Variants in CDC23 observed in about 807,000 individuals in gnomAD.
CDC23 encodes the protein cell division cycle 23, also known as cell division cycle protein 23 homolog.
Under a neutral mutation model 81.7 loss-of-function variants are expected in CDC23, and 26 were observed. The observed-to-expected ratio is 0.32, with a 90% CI of 0.23 to 0.44. The LOEUF is 0.44. Ranked by LOEUF, CDC23 falls within the 20% of genes least tolerant of loss-of-function variation. The pLI, the probability that CDC23 is intolerant of heterozygous loss-of-function variation, is 1.00. For missense variants in CDC23, 519 were observed against 728.0 expected (o/e 0.71, Z 3.30); for synonymous variants, 267 against 270.8 (o/e 0.99, Z 0.14).
intron 9 of CDC23, among the ~76,000 whole-genome samples, chr5:138,195,513 A>G (rs1188918212): frequency 1.6e-5 from 2 of 124,356 alleles, no homozygotes; most frequent in East Asian, 4.2e-4. Context: ...ATATATATAT[A>G]TAAATATATA....
chr5:138,205,600 A>C (rs558483628), intron 3 of CDC23, among the ~76,000 whole-genome samples: 1 of 152,252 alleles, frequency 6.6e-6, no homozygotes, highest in African/African-American at 2.4e-5. Flanking sequence ...CAAGATAAAA[A>C]ATGTTCTAGA....
intron 9 of CDC23, 54 bp downstream of exon 9, chr5:138,198,145 G>T: frequency 7.6e-7 from 1 of 1,312,984 alleles, no homozygotes; most frequent in Non-Finnish European, 1.1e-6. Context: ...ATTTTCACAT[G>T]TGTTACTTAT....
chr5:138,196,586 G>A (rs1394714602), intron 9 of CDC23, among the ~76,000 whole-genome samples: 4 of 137,498 alleles, frequency 2.9e-5, no homozygotes, highest in Non-Finnish European at 6.2e-5. Flanking sequence ...CCCCGTGCCC[G>A]GCCTTTTTTT....
At chr5:138,189,216 T>G in intron 15 of CDC23, 68 bp from the exon 16 acceptor site, 1 of 1,476,634 alleles carries the variant, frequency 6.8e-7, no homozygotes, top group Non-Finnish European at 9.3e-7. Context: ...GTTATTAAGA[T>G]GCTGTTAAAC....
chr5:138,195,739 ATATATATG>A (rs1302545733), intron 9 of CDC23, among the ~76,000 whole-genome samples: 1 of 55,698 alleles, frequency 1.8e-5, no homozygotes, highest in Non-Finnish European at 3.8e-5. Context: ...TATACATATA[ATATATATG>A]TATATATATA....
At chr5:138,208,159 C>A (rs183044365) in intron 2 of CDC23, among the ~76,000 whole-genome samples, 171 of 152,108 alleles carry the variant, frequency 1.1e-3, no homozygotes, top group African/African-American at 4.0e-3. Context: ...CGGAGTTTCA[C>A]CAGGCTGGTC....
intron 9 of CDC23, among the ~76,000 whole-genome samples, chr5:138,194,002 A>G (rs992152015): frequency 1.2e-4 from 19 of 152,122 alleles, no homozygotes; most frequent in African/African-American, 4.6e-4. Flanking sequence ...CGTCTCACAC[A>G]AGAATCAAAG....
At position 138,197,539 on chromosome 5, in the gene CDC23, C is replaced by T. The variant is rs561566867; in HGVS notation, c.1012+660G>A. 6.0e-4 allele frequency among the ~76,000 whole-genome samples: 90 copies of T among 149,656 alleles called. 4 individuals carry two copies. Among genetic ancestry groups the T allele is most frequent in the African/African-American group, 2.1e-3 (85 of 39,728 alleles). ...TGAGACGGAGTCTCACTCTATCGCC[C>T]AGGCTGGAGTGTAGTGGCACGATCT... On this transcript the variant is annotated intron_variant, in intron 9 of 15. Coordinates refer to ENST00000394886, the MANE Select transcript of CDC23 (RefSeq NM_004661.4).
intron 6 of CDC23, among the ~76,000 whole-genome samples, chr5:138,200,397 G>A (rs1177810652): frequency 1.3e-5 from 2 of 152,054 alleles, no homozygotes; most frequent in Non-Finnish European, 2.9e-5. Flanking sequence ...TTCCCAAAGT[G>A]CTAGGATTAC....
At chr5:138,213,127 G>T in intron 1 of CDC23, 25 bp downstream of exon 1, 2 of 1,614,002 alleles carry the variant, frequency 1.2e-6, no homozygotes, top group East Asian at 2.2e-5. Flanking sequence ...TCCAAGCCCC[G>T]TCCCTTCCCA....
At chr5:138,198,172 A>C (rs750981420) in intron 9 of CDC23, 27 bp downstream of exon 9, 1 of 1,502,574 alleles carries the variant, frequency 6.7e-7, no homozygotes, top group Non-Finnish European at 9.2e-7. Flanking sequence ...TATAAATCTT[A>C]AAAGAAAAAA....
chr5:138,192,476 C>G, intron 10 of CDC23, 28 bp downstream of exon 10: 1 of 1,613,358 alleles, frequency 6.2e-7, no homozygotes, highest in South Asian at 1.1e-5. Context: ...CAGCAATCTG[C>G]TCTACCTCAC....
intron 9 of CDC23, 47 bp from the exon 10 acceptor site, chr5:138,192,704 T>C (rs375123723): frequency 6.4e-7 from 1 of 1,561,382 alleles, no homozygotes; most frequent in Non-Finnish European, 8.7e-7. Context: ...AAGGTAAAAA[T>C]AAAAGTCCAT....
chr5:138,198,150 A>T, intron 9 of CDC23, 49 bp downstream of exon 9: 1 of 1,343,282 alleles, frequency 7.4e-7, no homozygotes, highest in Non-Finnish European at 1.1e-6. Flanking sequence ...CACATGTGTT[A>T]CTTATAATAA....
chr5:138,202,829 T>C (rs1198362829), intron 3 of CDC23, among the ~76,000 whole-genome samples: 1 of 152,148 alleles, frequency 6.6e-6, no homozygotes, highest in Non-Finnish European at 1.5e-5. Context: ...TTTGAAACAT[T>C]ATAGTAAAGA....
At chr5:138,202,764 A>T (rs1283772385) in intron 3 of CDC23, among the ~76,000 whole-genome samples, 1 of 152,262 alleles carries the variant, frequency 6.6e-6, no homozygotes, top group Admixed American at 6.5e-5. Context: ...TTAAAGTAGA[A>T]TGCCAAGCGT....
chr5:138,192,140 C>A, intron 11 of CDC23, 129 bp downstream of exon 11: 1 of 1,191,970 alleles, frequency 8.4e-7, no homozygotes, highest in Non-Finnish European at 1.2e-6. Flanking sequence ...AAACAGCCTT[C>A]AGCAACTTTA....
In CDC23 at chr5:138,201,393, C is replaced by T. The variant is rs1408375058; in HGVS notation, c.471G>A (p.Glu157=). The T allele has an allele frequency of 6.2e-7, 1 of 1,613,988 alleles. No individual in the cohort carries two copies. The highest frequency in any genetic ancestry group is 1.3e-5 in the African/African-American group (1 of 74,904). ...CTCGAGCTTGGTGTTTTTTGCTGAG[C>T]TCCACTCTCAATTCTCTAAGCGCCT... is the stretch of plus-strand genomic sequence containing the variant. ...KNEALRELRV[E]LSKKHQAREL... Residue 157 remains glutamate, a synonymous_variant, in exon 5 of 16, where the codon GAG becomes GAA. Transcript: ENST00000394886.
chr5:138,198,970 G>C (rs1754950646), intron 6 of CDC23, among the ~76,000 whole-genome samples, 188 bp from the exon 7 acceptor site: 1 of 152,222 alleles, frequency 6.6e-6, no homozygotes, highest in African/African-American at 2.4e-5. Flanking sequence ...GAACAGCCTA[G>C]TTGGGAAAGG....
Sources: gnomAD v4.1 joint callset for allele counts (sites outside exome capture counted in the v4.1 genomes callset) on GRCh38, gnomAD v4.1.1 for gene constraint, MANE v1.5 for transcripts, NCBI Gene and HGNC (gene_info 2026-07-23, HGNC 2026-07-21) for gene names.